Variants in TMPRSS15 observed in about 807,000 individuals in gnomAD.
TMPRSS15 encodes transmembrane serine protease 15.
Under a neutral mutation model 125.3 loss-of-function variants are expected in TMPRSS15, and 128 were observed. That is an observed-to-expected ratio of 1.02 (90% confidence interval 0.89 to 1.18). TMPRSS15 has a LOEUF of 1.18. Ranked by LOEUF, TMPRSS15 falls within the 50% of genes most tolerant of loss-of-function variation. The pLI, the probability that TMPRSS15 is intolerant of heterozygous loss-of-function variation, is 0.00. For synonymous variants in TMPRSS15, 446 were observed against 423.2 expected (o/e 1.05, Z -0.66); for missense variants, 1,283 against 1,212.7 (o/e 1.06, Z -0.86).
At chr21:18,325,333 A>G (rs779705937) in intron 16 of TMPRSS15, among the ~76,000 whole-genome samples, 1 of 152,094 alleles carries the variant, frequency 6.6e-6, no homozygotes, top group Non-Finnish European at 1.5e-5. Context: ...TTGAGCTACC[A>G]CTTACTTCTA....
rs1224318387 is a variant in TMPRSS15, at chr21:18,281,174, A to G, written c.2534T>C (p.Met845Thr). ...SKWTAILGLH[M>T]KSNLTSPQTV... is the part of the protein sequence containing the mutation. ...TTGAGGAGAGGTCAGATTTGATTTC[A>G]TATGCAGGCCTAGGATTGCTGTCCA... is the stretch of plus-strand genomic sequence containing the variant. The change falls in exon 22 of 25, where the codon ATG (methionine) becomes ACG (threonine). Residue 845 changes from methionine (M) to threonine (T), a missense_variant. Physicochemically the swap from Met to Thr is moderately conservative, Grantham distance 81. Coordinates refer to ENST00000284885, the MANE Select transcript of TMPRSS15 (RefSeq NM_002772.3). The G allele has an allele frequency of 1.9e-6, 3 of 1,614,084 alleles. No homozygotes were observed. The highest frequency in any genetic ancestry group is 4.5e-5 in the East Asian group (2 of 44,852).
intron 1 of TMPRSS15, among the ~76,000 whole-genome samples, chr21:18,454,643 G>C (rs1978406229): frequency 6.6e-6 from 1 of 152,234 alleles, no homozygotes; most frequent in African/African-American, 2.4e-5. Context: ...ATAAGTGCCA[G>C]AGTCTAAAGG....
intron 22 of TMPRSS15, 118 bp from the exon 23 acceptor site, chr21:18,279,177 T>A: frequency 3.0e-6 from 2 of 658,982 alleles, no homozygotes; most frequent in Middle Eastern, 4.0e-4. Context: ...CATGTATTTT[T>A]TTTTTTAATC....
At chr21:18,336,050 A>G (rs2075389313) in intron 13 of TMPRSS15, among the ~76,000 whole-genome samples, 1 of 151,602 alleles carries the variant, frequency 6.6e-6, no homozygotes, top group Non-Finnish European at 1.5e-5. Flanking sequence ...AACATGCAGT[A>G]TTTGGCAAAG....
intron 6 of TMPRSS15, among the ~76,000 whole-genome samples, chr21:18,367,472 C>T (rs2075749288): frequency 6.6e-6 from 1 of 152,128 alleles, no homozygotes. Context: ...GCAATTAATG[C>T]CTTACATTCA....
intron 3 of TMPRSS15, among the ~76,000 whole-genome samples, chr21:18,384,808 T>C (rs569648829): frequency 1.3e-5 from 2 of 152,324 alleles, no homozygotes; most frequent in East Asian, 3.9e-4. Flanking sequence ...TCTTGTGATA[T>C]ATGTAAGTTT....
At chr21:18,347,278 T>A (rs952358573) in intron 10 of TMPRSS15, among the ~76,000 whole-genome samples, 5 of 152,130 alleles carry the variant, frequency 3.3e-5, no homozygotes, top group Non-Finnish European at 7.4e-5. Flanking sequence ...ACTCCATCAT[T>A]CAGGCTGGAG....
At chr21:18,394,392 T>G (rs2076015197) in intron 3 of TMPRSS15, among the ~76,000 whole-genome samples, 1 of 152,282 alleles carries the variant, frequency 6.6e-6, no homozygotes, top group East Asian at 1.9e-4. Context: ...TTTGAAGAAC[T>G]GATTTTAAAA....
chr21:18,348,610 C>A (rs2075533495), intron 10 of TMPRSS15, among the ~76,000 whole-genome samples: 1 of 152,088 alleles, frequency 6.6e-6, no homozygotes, highest in South Asian at 2.1e-4. Context: ...TAAAATTCAA[C>A]ATCACAGGAA....
At chr21:18,436,029 T>A (rs1253583910) in intron 1 of TMPRSS15, among the ~76,000 whole-genome samples, 1 of 150,514 alleles carries the variant, frequency 6.6e-6, no homozygotes. Flanking sequence ...TCTTTTTTTC[T>A]TTATTAGTCT....
At position 18,294,258 on chromosome 21, in the gene TMPRSS15, C is replaced by G; in HGVS notation, c.2486+12G>C. On this transcript the variant is annotated intron_variant, in intron 21 of 24. Transcript: ENST00000284885. ...ACCTAGTTTGGGAAGGGACACTTGACATCACACTCACCCATACACGCAGTG... is the reference window on the plus strand; with the variant it reads ...ACCTAGTTTGGGAAGGGACACTTGAGATCACACTCACCCATACACGCAGTG... The G allele has an allele frequency of 1.2e-6, 2 of 1,613,996 alleles. No individual in the cohort carries two copies. Among genetic ancestry groups the G allele is most frequent in the South Asian group, 2.2e-5 (2 of 91,072 alleles).
At chr21:18,406,345 T>C (rs1234341262), upstream of TMPRSS15, among the ~76,000 whole-genome samples, 1 of 152,184 alleles carries the variant, frequency 6.6e-6, no homozygotes, top group Non-Finnish European at 1.5e-5. Context: ...CGAGTTACTC[T>C]GTGTGAGTAG....
intron 3 of TMPRSS15, among the ~76,000 whole-genome samples, chr21:18,387,721 G>A (rs1236567360): frequency 6.6e-6 from 1 of 151,640 alleles, no homozygotes; most frequent in African/African-American, 2.4e-5. Context: ...GAAAGTAAGA[G>A]AAAATAGTTC....
Position 18,295,934 on chromosome 21 carries a change from C to T in TMPRSS15, c.2262-1282G>A, listed in dbSNP as rs915122021. On this transcript the variant is annotated intron_variant, in intron 19 of 24. Transcript: ENST00000284885. ...TTGGGAGGCGGAGGCGGGCGGATCA[C>T]GAGGTCAGGAGATCGAGACCATCCT... is the stretch of plus-strand genomic sequence containing the variant. Among the ~76,000 whole-genome samples, 8 of 152,072 alleles carry T rather than the reference C, an allele frequency of 5.3e-5. No individual in the cohort carries two copies. The South Asian group carries it at 8.3e-4, about 16-fold the overall frequency.
At chr21:18,417,434 C>T (rs186298701) in intron 1 of TMPRSS15, among the ~76,000 whole-genome samples, 1 of 152,156 alleles carries the variant, frequency 6.6e-6, no homozygotes, top group East Asian at 1.9e-4. Flanking sequence ...ATGAATATGT[C>T]CTAAAACACA....
rs1457148486 is a variant in TMPRSS15, at chr21:18,270,123, C to T, written c.2906G>A (p.Gly969Glu). 2 of 1,613,594 alleles carry T rather than the reference C, an allele frequency of 1.2e-6. No homozygotes were observed. Among genetic ancestry groups the T allele is most frequent in the East Asian group, 2.2e-5 (1 of 44,856 alleles). Reference protein sequence around the residue: ...YEEGGIDSCQGDSGGPLMCQE... With the variant: ...YEEGGIDSCQEDSGGPLMCQE... ...GCACATTAATGGTCCTCCTGAATCC[C>T]CCTAAAGAGTGAATTGCAAAACAAA... is the stretch of plus-strand genomic sequence containing the variant. The change falls in exon 25 of 25, where the codon GGG (glycine) becomes GAG (glutamate). Residue 969 changes from glycine (G) to glutamate (E), a missense_variant and splice_region_variant. Transcript: ENST00000284885.
chr21:18,483,827 G>GT (rs2123293906), intron 1 of TMPRSS15, among the ~76,000 whole-genome samples: 1 of 151,936 alleles, frequency 6.6e-6, no homozygotes, highest in East Asian at 1.9e-4. Flanking sequence ...CTACACCAAT[G>GT]TAACCAGAAT....
Position 18,294,610 on chromosome 21 carries a change from G to T in TMPRSS15, c.2304C>A (p.Asn768Lys), listed in dbSNP as rs2074880014. Residue 768 changes from asparagine (N) to lysine (K), a missense_variant, in exon 20 of 25, where the codon AAC (asparagine) becomes AAA (lysine). Asn to Lys is a moderately conservative substitution (Grantham distance 94). Transcript: ENST00000284885. ...LQDSLIRLQC[N>K]HKSCGKKLAA... ...GACAACATATTTACTTACATTTATGGTTACACTGTAACCGAATCAAGGAAT... is the reference window on the plus strand; with the variant it reads ...GACAACATATTTACTTACATTTATGTTTACACTGTAACCGAATCAAGGAAT... 1.2e-6 allele frequency: 2 copies of T among 1,611,056 alleles called. No homozygotes were observed. Among genetic ancestry groups the T allele is most frequent in the African/African-American group, 1.3e-5 (1 of 75,004 alleles).
chr21:18,465,742 C>A (rs1234266778), intron 1 of TMPRSS15, among the ~76,000 whole-genome samples: 2 of 152,114 alleles, frequency 1.3e-5, no homozygotes, highest in African/African-American at 4.8e-5. Context: ...CTACAAACCA[C>A]TGCTTAAGGA....
Sources: gnomAD v4.1 joint callset for allele counts (sites outside exome capture counted in the v4.1 genomes callset) on GRCh38, gnomAD v4.1.1 for gene constraint, MANE v1.5 for transcripts, NCBI Gene and HGNC (gene_info 2026-07-23, HGNC 2026-07-21) for gene names.